Variants in CYFIP2 observed in about 807,000 individuals in gnomAD.
CYFIP2 encodes cytoplasmic FMR1-interacting protein 2.
CYFIP2 carries 29 observed loss-of-function variants against 158.7 expected under a neutral mutation model. That is an observed-to-expected ratio of 0.18 (90% CI 0.14 to 0.25). The LOEUF (loss-of-function observed/expected upper bound fraction) is 0.25, where lower values mean the gene tolerates loss of function less well. Among genes scored for constraint, CYFIP2 ranks in the 10% least tolerant of loss-of-function variants. CYFIP2 has a pLI of 1.00. For synonymous variants in CYFIP2, 585 were observed against 617.6 expected, an observed-to-expected ratio of 0.95 and a Z score of 0.78; for missense variants, 852 against 1,639.5, an observed-to-expected ratio of 0.52 and a Z score of 8.29.
Position 157,311,188 on chromosome 5 carries a change from C to G in CYFIP2, c.993-476C>G. Reference sequence around the variant, plus strand: ...ACAGTGTGCTTCCATGTTGCCAGGGCACTGTTGGAAAAGAGGCACAGTCAC... The same window carrying G: ...ACAGTGTGCTTCCATGTTGCCAGGGGACTGTTGGAAAAGAGGCACAGTCAC... On this transcript the variant is annotated intron_variant, in intron 10 of 30. Coordinates refer to ENST00000620254, the MANE Select transcript of CYFIP2 (RefSeq NM_001037333.3). The surrounding 1 kb of genome is among the most constrained non-coding windows in gnomAD (Gnocchi z 4.7). 1 of 429,284 alleles carries G rather than the reference C, an allele frequency of 2.3e-6. No homozygotes were observed. Among genetic ancestry groups the G allele is most frequent in the Non-Finnish European group, 4.7e-6 (1 of 214,738 alleles). The allele number at this position is 429,284 out of a possible 1,614,324, so 26.6% of individuals were successfully genotyped here.
intron 23 of CYFIP2, among the ~76,000 whole-genome samples, chr5:157,344,685 A>AT (rs1762550574): frequency 6.6e-6 from 1 of 152,334 alleles, no homozygotes; most frequent in South Asian, 2.1e-4. Context: ...GCATATTCAC[A>AT]TAACAGTCTC....
chr5:157,314,573 G>C, intron 12 of CYFIP2, 110 bp downstream of exon 12: 1 of 1,419,372 alleles, frequency 7.0e-7, no homozygotes, highest in Non-Finnish European at 9.4e-7. Context: ...TACAATTCAC[G>C]TACCATACGA....
At chr5:157,318,714 C>A (rs150485623) in intron 13 of CYFIP2, among the ~76,000 whole-genome samples, 278 of 152,316 alleles carry the variant, frequency 1.8e-3, no homozygotes, top group Non-Finnish European at 3.2e-3. Context: ...GTTGGGCGTG[C>A]ACAGCATAGC....
chr5:157,308,413 T>A (rs939954431), intron 9 of CYFIP2, among the ~76,000 whole-genome samples: 1 of 152,220 alleles, frequency 6.6e-6, no homozygotes, highest in Non-Finnish European at 1.5e-5. Context: ...TTTCAGTGCC[T>A]CTGAGAGTTG....
At chr5:157,336,038 A>G (rs1761830725) in intron 21 of CYFIP2, among the ~76,000 whole-genome samples, 1 of 152,126 alleles carries the variant, frequency 6.6e-6, no homozygotes, top group South Asian at 2.1e-4. Context: ...AAGCCCATGA[A>G]GAGACCTCAG....
At chr5:157,304,527 A>G (rs575494972) in intron 8 of CYFIP2, 161 bp downstream of exon 8, 1 of 757,510 alleles carries the variant, frequency 1.3e-6, no homozygotes, top group East Asian at 2.8e-5. Context: ...CCTGTAATAT[A>G]ATATACCGTA....
At chr5:157,386,830 G>C (rs1270037202) in intron 28 of CYFIP2, among the ~76,000 whole-genome samples, 2 of 151,762 alleles carry the variant, frequency 1.3e-5, no homozygotes, top group African/African-American at 4.8e-5. Flanking sequence ...TGAGGCAGGA[G>C]AATGGCTCGA....
intron 5 of CYFIP2, among the ~76,000 whole-genome samples, chr5:157,298,560 G>A (rs1440376931): frequency 6.6e-6 from 1 of 151,244 alleles, no homozygotes; most frequent in Non-Finnish European, 1.5e-5. Context: ...TGGCCAGGCT[G>A]GTCTCGAACT....
intron 28 of CYFIP2, among the ~76,000 whole-genome samples, chr5:157,387,387 A>T (rs116355519): frequency 0.01 from 1,541 of 152,320 alleles, 37 homozygotes; most frequent in African/African-American, 0.034. Flanking sequence ...CTGTCTGCAG[A>T]TTGATAACCT....
At chr5:157,331,626 G>T (rs1326467602) in intron 20 of CYFIP2, among the ~76,000 whole-genome samples, 1 of 151,984 alleles carries the variant, frequency 6.6e-6, no homozygotes, top group Non-Finnish European at 1.5e-5. Context: ...TCATTAAGAG[G>T]GGGGAAAAAT....
intron 3 of CYFIP2, among the ~76,000 whole-genome samples, chr5:157,293,906 A>G (rs973878090): frequency 9.9e-5 from 15 of 151,946 alleles, no homozygotes; most frequent in Admixed American, 5.2e-4. Context: ...CCAGTCATGG[A>G]GTGTGGAAAA....
intron 15 of CYFIP2, 90 bp from the exon 16 acceptor site, chr5:157,323,831 A>AG (rs1760800192): frequency 1.4e-6 from 2 of 1,386,484 alleles, no homozygotes; most frequent in South Asian, 1.7e-5. Flanking sequence ...CTGCAGAAAA[A>AG]AAAAAATACA....
intron 3 of CYFIP2, 98 bp downstream of exon 3, chr5:157,287,206 T>C (rs1757459648): frequency 1.1e-6 from 1 of 893,780 alleles, no homozygotes; most frequent in African/African-American, 1.6e-5. Flanking sequence ...TCAGCTACTC[T>C]AAGAACCCCC....
intron 23 of CYFIP2, among the ~76,000 whole-genome samples, chr5:157,357,828 CA>C (rs200613860): frequency 8.6e-5 from 12 of 139,930 alleles, no homozygotes; most frequent in South Asian, 2.3e-4. Flanking sequence ...GAATCTGTCT[CA>C]AAAAAAAAAC....
intron 23 of CYFIP2, among the ~76,000 whole-genome samples, chr5:157,355,647 A>C (rs1403288626): frequency 6.6e-6 from 1 of 152,222 alleles, no homozygotes; most frequent in Non-Finnish European, 1.5e-5. Flanking sequence ...AATCAGACAG[A>C]AAATATAAGT....
chr5:157,316,700 T>C (rs1371679992), intron 13 of CYFIP2, among the ~76,000 whole-genome samples: 3 of 152,164 alleles, frequency 2.0e-5, no homozygotes, highest in African/African-American at 7.2e-5. Flanking sequence ...AGCCTCAGAT[T>C]CCTTATCTGT....
At chr5:157,341,278 C>A in intron 23 of CYFIP2, 121 bp downstream of exon 23, 1 of 885,336 alleles carries the variant, frequency 1.1e-6, no homozygotes, top group Non-Finnish European at 1.8e-6. Context: ...AGGTCAGGCA[C>A]AGTGGCTCAT....
intron 26 of CYFIP2, chr5:157,362,920 A>T (rs1292968009): frequency 6.6e-6 from 1 of 151,994 alleles, no homozygotes; most frequent in Non-Finnish European, 1.5e-5. Flanking sequence ...ATGATGGGGG[A>T]CAGTTGTTTT....
intron 13 of CYFIP2, among the ~76,000 whole-genome samples, chr5:157,315,536 T>C (rs1329322711): frequency 6.6e-6 from 1 of 152,218 alleles, no homozygotes; most frequent in African/African-American, 2.4e-5. Flanking sequence ...TCTTTAGTGG[T>C]CAGTCTACAT....
Sources: gnomAD v4.1 joint callset for allele counts (sites outside exome capture counted in the v4.1 genomes callset) on GRCh38, gnomAD v4.1.1 for gene constraint, Gnocchi (gnomAD v3.1) non-coding constraint, MANE v1.5 for transcripts, NCBI Gene and HGNC (gene_info 2026-07-23, HGNC 2026-07-21) for gene names.